The following ABCC3 variants were observed in gnomAD, a reference collection of about 807,000 sequenced individuals.
ABCC3 encodes the protein ATP-binding cassette sub-family C member 3.
A neutral mutation model predicts 165.3 loss-of-function variants in ABCC3; 121 were observed. The observed-to-expected ratio is 0.73, with a 90% CI of 0.63 to 0.85. ABCC3 has a LOEUF of 0.85. Ranked by LOEUF, ABCC3 falls within the 40% of genes least tolerant of loss-of-function variation. The pLI, the probability that ABCC3 is intolerant of heterozygous loss-of-function variation, is 0.00. For missense variants in ABCC3, 1,869 were observed against 1,964.1 expected (o/e 0.95, Z 0.92); for synonymous variants, 733 against 810.1 (o/e 0.90, Z 1.62).
chr17:50,636,331 G>T (rs2054179963), intron 1 of ABCC3, among the ~76,000 whole-genome samples: 1 of 152,024 alleles, frequency 6.6e-6, no homozygotes, highest in Admixed American at 6.5e-5. Flanking sequence ...TGGGCTGAAG[G>T]CGTTATATGG....
intron 19 of ABCC3, among the ~76,000 whole-genome samples, chr17:50,673,900 T>TTTTCTTTCTTTCTTTCTTTTTC: frequency 7.6e-6 from 1 of 131,624 alleles, no homozygotes; most frequent in African/African-American, 2.8e-5. Context: ...TCAGAGCCTG[T>TTTTCTTTCTTTCTTTCTTTTTC]TTTCTTTCTT....
At chr17:50,635,228 G>A (rs962463436) in intron 1 of ABCC3, 9 of 627,104 alleles carry the variant, frequency 1.4e-5, no homozygotes, top group African/African-American at 1.3e-4. Context: ...TGGGGAGCCC[G>A]GGAAAGTGAG....
At chr17:50,649,965 A>C (rs1967083521) in intron 1 of ABCC3, among the ~76,000 whole-genome samples, 1 of 152,352 alleles carries the variant, frequency 6.6e-6, no homozygotes, top group Admixed American at 6.5e-5. Flanking sequence ...ACAGGAAATT[A>C]TCTGGGTAGA....
chr17:50,672,281 G>A (rs532956964), intron 17 of ABCC3, among the ~76,000 whole-genome samples: 2 of 152,292 alleles, frequency 1.3e-5, no homozygotes, highest in African/African-American at 2.4e-5. Flanking sequence ...TTGTCTTTTC[G>A]TGACGGGCTT....
chr17:50,690,648 C>T (rs1028762738), intron 30 of ABCC3, among the ~76,000 whole-genome samples: 3 of 152,308 alleles, frequency 2.0e-5, no homozygotes, highest in African/African-American at 4.8e-5. Context: ...CCGCAGCAGC[C>T]GCCACCAGAT....
At chr17:50,651,814 C>T (rs1291829199) in intron 1 of ABCC3, among the ~76,000 whole-genome samples, 2 of 152,188 alleles carry the variant, frequency 1.3e-5, no homozygotes, top group Non-Finnish European at 2.9e-5. Flanking sequence ...ATTTTCAACA[C>T]TTATGCTTGG....
intron 1 of ABCC3, among the ~76,000 whole-genome samples, chr17:50,655,099 C>CAAAAA (rs66488957): frequency 9.2e-5 from 4 of 43,546 alleles, no homozygotes; most frequent in East Asian, 7.5e-4. Flanking sequence ...GACTCCATCT[C>CAAAAA]AAAAAAAAAA....
At chr17:50,637,584 G>A (rs956336123) in intron 1 of ABCC3, among the ~76,000 whole-genome samples, 2 of 152,212 alleles carry the variant, frequency 1.3e-5, no homozygotes, top group African/African-American at 4.8e-5. Context: ...GGGTGTTCAG[G>A]CCCCTCTGGG....
At position 50,684,830 on chromosome 17, in the gene ABCC3, C is replaced by T. The variant is rs768353981; in HGVS notation, c.4235C>T (p.Pro1412Leu). ...CTGCACACGTTTGTGAGCTCCCAGCCGGCAGGCCTGGACTTCCAGTGCTCA... is the reference window on the plus strand; with the variant it reads ...CTGCACACGTTTGTGAGCTCCCAGCTGGCAGGCCTGGACTTCCAGTGCTCA... The part of the protein sequence containing the change: ...SHLHTFVSSQ[P>L]AGLDFQCSEG... The change falls in exon 29 of 31, where the codon CCG becomes CTG. Residue 1412 changes from proline (P) to leucine (L), a missense_variant. Pro to Leu is a moderately conservative substitution (Grantham distance 98). Coordinates refer to ENST00000285238, the MANE Select transcript of ABCC3 (RefSeq NM_003786.4). 4.8e-5 allele frequency: 78 copies of T among 1,614,038 alleles called. No homozygotes were observed. The highest frequency in any genetic ancestry group is 1.6e-4 in the Middle Eastern group (1 of 6,084).
intron 26 of ABCC3, among the ~76,000 whole-genome samples, chr17:50,682,697 C>T (rs1241323640): frequency 4.6e-5 from 7 of 152,200 alleles, no homozygotes; most frequent in Non-Finnish European, 7.3e-5. Flanking sequence ...CACTTCTTGG[C>T]CCCAGCACTC....
At position 50,660,991 on chromosome 17, in the gene ABCC3, C is replaced by A. The variant is rs1462424964; in HGVS notation, c.875C>A (p.Pro292His). The A allele has an allele frequency of 5.0e-6, 8 of 1,613,934 alleles. No homozygotes were observed. The South Asian group carries it at 8.8e-5, about 18-fold the overall frequency. The change falls in exon 8 of 31, where the codon CCC (proline) becomes CAC (histidine). Residue 292 changes from proline (P) to histidine (H), a missense_variant. Pro to His is a moderately conservative substitution (Grantham distance 77). Transcript: ENST00000285238. Reference sequence around the variant, plus strand: ...GACGAGGTGCTGCTGGGTGCCCGGCCCAGGCCCCGGAAGCCCTCCTTCCTG... The same window carrying A: ...GACGAGGTGCTGCTGGGTGCCCGGCACAGGCCCCGGAAGCCCTCCTTCCTG... ...GEDEVLLGAR[P>H]RPRKPSFLKA...
rs546980254 is a variant in ABCC3, at chr17:50,637,784, G to T, written c.45+2803G>T. On this transcript the variant is annotated intron_variant, in intron 1 of 30. Transcript: ENST00000285238. ...GGGTGGCAAGTTCTGACATTCCCCG[G>T]AAGAGGGAGGAGAAAGAAAAATGGG... 2.0e-5 allele frequency among the ~76,000 whole-genome samples: 3 copies of T among 152,378 alleles called. No individual in the cohort carries two copies. The South Asian group carries it at 6.2e-4, about 32-fold the overall frequency.
In ABCC3 at chr17:50,675,964, C is replaced by T; in HGVS notation, c.2941C>T (p.Gln981Ter). The T allele has an allele frequency of 6.2e-7, 1 of 1,614,174 alleles. No individual in the cohort carries two copies. The highest frequency in any genetic ancestry group is 8.5e-7 in the Non-Finnish European group (1 of 1,180,044). The change falls in exon 22 of 31, where the codon CAA becomes TAA. Residue 981 changes from glutamine to a stop codon, truncating the protein, a stop_gained. Coordinates refer to ENST00000285238, the MANE Select transcript of ABCC3 (RefSeq NM_003786.4). LOFTEE classifies it high-confidence loss of function. ...TLAICLLYVGQSAAAIGANVW... is the reference protein window; with the variant it reads ...TLAICLLYVG ...GGCCATCTGTCTCCTGTATGTGGGT[C>T]AAAGTGCGGCTGCCATTGGAGCCAA...
intron 1 of ABCC3, chr17:50,635,686 A>C: frequency 1.5e-6 from 1 of 676,554 alleles, no homozygotes; most frequent in Non-Finnish European, 2.7e-6. Flanking sequence ...GGACTTGCCC[A>C]AAGTTACCCA....
chr17:50,635,331 C>T, intron 1 of ABCC3: 1 of 630,254 alleles, frequency 1.6e-6, no homozygotes, highest in South Asian at 1.8e-5. Context: ...AGGGGCGTTT[C>T]GCAATCAGCC....
intron 1 of ABCC3, among the ~76,000 whole-genome samples, chr17:50,636,448 G>A (rs2054181105): frequency 6.6e-6 from 1 of 152,236 alleles, no homozygotes; most frequent in South Asian, 2.1e-4. Flanking sequence ...CCGAGATGGT[G>A]CAACTTCTCT....
chr17:50,673,786 G>A, intron 19 of ABCC3, 128 bp downstream of exon 19: 3 of 901,170 alleles, frequency 3.3e-6, no homozygotes, highest in Non-Finnish European at 5.1e-6. Context: ...GGCCATCTGT[G>A]TGACAGTCAC....
chr17:50,682,602 C>T (rs1967947913), intron 26 of ABCC3, among the ~76,000 whole-genome samples: 1 of 152,074 alleles, frequency 6.6e-6, no homozygotes, highest in Non-Finnish European at 1.5e-5. Context: ...TTGGCTTGTT[C>T]CCTCACCTCC....
chr17:50,667,307 G>A (rs1355346918), intron 11 of ABCC3, among the ~76,000 whole-genome samples: 1 of 152,150 alleles, frequency 6.6e-6, no homozygotes, highest in African/African-American at 2.4e-5. Context: ...AGAGGATGCT[G>A]CCTGGGGAGG....
Sources: allele counts gnomAD v4.1 joint callset (sites outside exome capture counted in the v4.1 genomes callset), GRCh38; gene constraint gnomAD v4.1.1; transcripts MANE v1.5; gene names NCBI Gene and HGNC (gene_info 2026-07-23, HGNC 2026-07-21).